SLC44A3: variants seen among roughly 807,000 people sequenced by gnomAD.
The protein encoded by SLC44A3 is choline transporter-like protein 3.
A neutral mutation model predicts 75.4 loss-of-function variants in SLC44A3; 74 were observed. The ratio of observed to expected loss-of-function variants is 0.98; its 90% CI spans 0.81 to 1.19. SLC44A3 has a LOEUF of 1.19. SLC44A3 is among the 50% of genes most tolerant of loss of function. The pLI is 0.00. For synonymous variants in SLC44A3, 310 were observed against 296.9 expected (o/e 1.04, Z -0.45); for missense variants, 700 against 778.6 (o/e 0.90, Z 1.20).
At chr1:94,876,576 A>G (rs180879113) in intron 12 of SLC44A3, among the ~76,000 whole-genome samples, 1 of 152,164 alleles carries the variant, frequency 6.6e-6, no homozygotes, top group Admixed American at 6.5e-5. Context: ...ATGAAAGGAG[A>G]TGTGAGTCAC....
At chr1:94,835,921 A>T (rs1662724064) in intron 5 of SLC44A3, among the ~76,000 whole-genome samples, 1 of 152,232 alleles carries the variant, frequency 6.6e-6, no homozygotes, top group South Asian at 2.1e-4. Context: ...AATTTAAGCC[A>T]TGTGAATGTA....
intron 12 of SLC44A3, among the ~76,000 whole-genome samples, chr1:94,878,838 G>A (rs1019799841): frequency 1.3e-5 from 2 of 152,182 alleles, no homozygotes; most frequent in Non-Finnish European, 2.9e-5. Flanking sequence ...ATGGGGAAAG[G>A]ACAGTCTCTT....
chr1:94,845,430 C>G lies in SLC44A3; in HGVS notation c.1038C>G (p.Leu346=), dbSNP rs1265360054. The change falls in exon 9 of 15, where the codon CTC becomes CTG. Residue 346 remains leucine (L), a synonymous_variant. Transcript: ENST00000271227. The part of the protein sequence containing the change: ...TFAILIFFWV[L]WVAVLLSLGT... Reference sequence around the variant, plus strand: ...CCATCCTCATTTTCTTCTGGGTCCTCTGGGTGGCTGTGCTGCTGAGCCTGG... The same window carrying G: ...CCATCCTCATTTTCTTCTGGGTCCTGTGGGTGGCTGTGCTGCTGAGCCTGG... 2 of 1,613,474 alleles carry G rather than the reference C, an allele frequency of 1.2e-6. No homozygotes were observed. Among genetic ancestry groups the G allele is most frequent in the Non-Finnish European group, 8.5e-7 (1 of 1,179,970 alleles).
In SLC44A3 at chr1:94,848,178, G is replaced by A. The variant is rs147830542; in HGVS notation, c.1072+2714G>A. 2.8e-3 allele frequency among the ~76,000 whole-genome samples: 418 copies of A among 150,008 alleles called. 4 individuals carry two copies. The highest frequency in any genetic ancestry group is 1.0e-2 in the African/African-American group (406 of 40,678). On this transcript the variant is annotated intron_variant, in intron 9 of 14. Transcript: ENST00000271227. The stretch of plus-strand genomic sequence containing the variant: ...CGGGAGGCGGAGGGTGCAGTGAGCT[G>A]AGACCACACCACTGCACTCCAGCAT...
chr1:94,850,240 C>A (rs1665033740), intron 9 of SLC44A3, among the ~76,000 whole-genome samples: 2 of 152,040 alleles, frequency 1.3e-5, no homozygotes, highest in Non-Finnish European at 2.9e-5. Flanking sequence ...TTGCACCACC[C>A]AACAATGACA....
chr1:94,852,652 T>C (rs1248427912), intron 9 of SLC44A3, among the ~76,000 whole-genome samples: 2 of 152,200 alleles, frequency 1.3e-5, no homozygotes. Flanking sequence ...TACATTTTAA[T>C]AGCAGTGATT....
intron 5 of SLC44A3, among the ~76,000 whole-genome samples, chr1:94,828,970 G>C (rs1661744555): frequency 6.6e-6 from 1 of 152,108 alleles, no homozygotes; most frequent in South Asian, 2.1e-4. Flanking sequence ...GCCGGGCATG[G>C]TGGCTCACAC....
chr1:94,879,488 T>C (rs529795079), intron 12 of SLC44A3, among the ~76,000 whole-genome samples: 4 of 137,000 alleles, frequency 2.9e-5, no homozygotes, highest in South Asian at 2.4e-4. Context: ...GCCGGGATCA[T>C]GCCACTGCAC....
chr1:94,839,951 T>A lies in SLC44A3; in HGVS notation c.674T>A (p.Leu225Ter), dbSNP rs958179214. 3.1e-6 allele frequency: 5 copies of A among 1,613,786 alleles called. No individual in the cohort carries two copies. The highest frequency in any genetic ancestry group is 2.7e-5 in the African/African-American group (2 of 74,944). ...ILGLCILALA[L>*]SLAMMFTFRF... The stretch of plus-strand genomic sequence containing the variant: ...TGTGTTTTGCTTAATTTTTCAGCCT[T>A]GTCTTTGGCCATGATGTTTACCTTC... The change falls in exon 7 of 15, where the codon TTG (leucine) becomes TAG (stop). Residue 225 changes from leucine (L) to a stop codon, truncating the protein, a stop_gained. Coordinates refer to ENST00000271227, the MANE Select transcript of SLC44A3 (RefSeq NM_001114106.3). LOFTEE classifies it high-confidence loss of function.
intron 12 of SLC44A3, among the ~76,000 whole-genome samples, chr1:94,879,322 A>G (rs888969527): frequency 4.6e-5 from 7 of 151,886 alleles, no homozygotes; most frequent in Non-Finnish European, 1.0e-4. Context: ...TCATGAGGTC[A>G]GGAGTTTGAA....
At chr1:94,835,449 CA>C (rs1351605177) in intron 5 of SLC44A3, among the ~76,000 whole-genome samples, 2 of 152,176 alleles carry the variant, frequency 1.3e-5, no homozygotes, top group Admixed American at 1.3e-4. Context: ...TTAATTTTCA[CA>C]AATATACTGT....
intron 12 of SLC44A3, among the ~76,000 whole-genome samples, chr1:94,871,256 G>A (rs753411570): frequency 4.6e-5 from 7 of 152,190 alleles, no homozygotes; most frequent in Non-Finnish European, 8.8e-5. Context: ...AGGTGAAGGA[G>A]CAATGAAGAT....
At chr1:94,840,269 T>C (rs1663410193) in intron 7 of SLC44A3, among the ~76,000 whole-genome samples, 1 of 148,026 alleles carries the variant, frequency 6.8e-6, no homozygotes, top group Non-Finnish European at 1.5e-5. Context: ...TCTTTTCTTT[T>C]CTTTTTCTTT....
At chr1:94,841,132 C>G (rs894699766) in intron 7 of SLC44A3, among the ~76,000 whole-genome samples, 1 of 152,186 alleles carries the variant, frequency 6.6e-6, no homozygotes, top group African/African-American at 2.4e-5. Context: ...ACCTGCACAG[C>G]ATGCTACTGT....
At chr1:94,832,999 C>A (rs145532896) in intron 5 of SLC44A3, among the ~76,000 whole-genome samples, 63 of 151,618 alleles carry the variant, frequency 4.2e-4, no homozygotes, top group Non-Finnish European at 8.7e-4. Flanking sequence ...AAATATTCAG[C>A]CCAATGTGAT....
chr1:94,861,666 A>G (rs1230431277), intron 10 of SLC44A3, among the ~76,000 whole-genome samples: 1 of 152,188 alleles, frequency 6.6e-6, no homozygotes, highest in Non-Finnish European at 1.5e-5. Context: ...AATTCTTCGT[A>G]TCCTTTTCTG....
In SLC44A3 at chr1:94,887,846, G is replaced by GCC. The variant is rs1669760978; in HGVS notation, c.1483-3282_1483-3281dup. Among the ~76,000 whole-genome samples the GCC allele has an allele frequency of 2.6e-5, 4 of 152,202 alleles. No homozygotes were observed. The East Asian group carries it at 7.7e-4, about 29-fold the overall frequency. ...TGGGGGCTGGCAGGTGGTCTAAAAAGCCCTTTCCTGGATCCCTGTGGGTGT... is the reference window on the plus strand; with the variant it reads ...TGGGGGCTGGCAGGTGGTCTAAAAAGCCCCCTTTCCTGGATCCCTGTGGGTGT... On this transcript the variant is annotated intron_variant, in intron 12 of 14. Transcript: ENST00000271227.
At chr1:94,829,818 GA>G (rs1463177661) in intron 5 of SLC44A3, among the ~76,000 whole-genome samples, 1 of 152,098 alleles carries the variant, frequency 6.6e-6, no homozygotes, top group African/African-American at 2.4e-5. Context: ...GGTGTTTATT[GA>G]ACTCTTGTTT....
Position 94,857,432 on chromosome 1 carries a change from T to G in SLC44A3, c.1170T>G (p.Thr390=). ...ACCATTTAATTGGCCTCATCTGGAC[T>G]AGTGAATTCATCCTTGCGTGCCAGC... The part of the protein sequence containing the change: ...WSYHLIGLIW[T]SEFILACQQM... The change falls in exon 10 of 15, where the codon ACT becomes ACG. Residue 390 remains threonine (T), a synonymous_variant. Transcript: ENST00000271227. The G allele has an allele frequency of 6.2e-7, 1 of 1,614,140 alleles. No homozygotes were observed. The highest frequency in any genetic ancestry group is 1.1e-5 in the South Asian group (1 of 91,074).
Sources: allele counts gnomAD v4.1 joint callset (sites outside exome capture counted in the v4.1 genomes callset), GRCh38; gene constraint gnomAD v4.1.1; transcripts MANE v1.5; gene names NCBI Gene and HGNC (gene_info 2026-07-23, HGNC 2026-07-21).